The following SUPT3H variants were observed in gnomAD, a reference collection of about 807,000 sequenced individuals.
SUPT3H encodes SPT3 homolog, SAGA and STAGA complex component, also known as transcription initiation protein SPT3 homolog.
A neutral mutation model predicts 44.3 loss-of-function variants in SUPT3H; 44 were observed. The observed-to-expected ratio is 0.99, with a 90% CI of 0.78 to 1.28. The LOEUF is 1.28. SUPT3H is among the 50% of genes most tolerant of loss of function. The pLI, the probability that SUPT3H is intolerant of heterozygous loss-of-function variation, is 0.00. For synonymous variants in SUPT3H, 124 were observed against 125.6 expected (o/e 0.99, Z 0.09); for missense variants, 380 against 387.1 (o/e 0.98, Z 0.15).
chr6:44,919,879 TTTTC>T (rs1483273805), intron 10 of SUPT3H, among the ~76,000 whole-genome samples: 1 of 152,214 alleles, frequency 6.6e-6, no homozygotes, highest in South Asian at 2.1e-4. Context: ...TCTTTTTCTT[TTTTC>T]TTTTTTATTT....
chr6:45,130,699 A>C (rs993758365), intron 2 of SUPT3H, among the ~76,000 whole-genome samples: 3 of 133,528 alleles, frequency 2.2e-5, no homozygotes, highest in Non-Finnish European at 5.0e-5. Flanking sequence ...AAAAAAAACA[A>C]AAAAAAAAAC....
intron 3 of SUPT3H, among the ~76,000 whole-genome samples, chr6:45,101,292 G>A (rs1798536282): frequency 6.6e-6 from 1 of 152,202 alleles, no homozygotes; most frequent in Non-Finnish European, 1.5e-5. Flanking sequence ...GGTCATGGTG[G>A]CGCATGCCTG....
intron 10 of SUPT3H, among the ~76,000 whole-genome samples, chr6:44,900,394 G>A (rs1225595191): frequency 1.3e-5 from 2 of 152,222 alleles, no homozygotes; most frequent in African/African-American, 4.8e-5. Flanking sequence ...CTGGCTCGGA[G>A]GGTCCTATGC....
chr6:45,195,883 G>A (rs969048886), intron 2 of SUPT3H, among the ~76,000 whole-genome samples: 7 of 152,032 alleles, frequency 4.6e-5, no homozygotes, highest in Admixed American at 2.0e-4. Context: ...CAAACTTTCT[G>A]ATCCCGGGCA....
At chr6:45,234,373 C>T (rs1187830006) in intron 2 of SUPT3H, among the ~76,000 whole-genome samples, 1 of 151,508 alleles carries the variant, frequency 6.6e-6, no homozygotes, top group Non-Finnish European at 1.5e-5. Flanking sequence ...TCTACTAATA[C>T]TACAAAAATC....
chr6:45,305,983 G>A (rs182184004), intron 2 of SUPT3H, among the ~76,000 whole-genome samples: 1 of 152,310 alleles, frequency 6.6e-6, no homozygotes, highest in East Asian at 1.9e-4. Context: ...CTCTAATTCT[G>A]CATATACCTG....
chr6:45,004,272 T>C (rs984867552), intron 5 of SUPT3H, among the ~76,000 whole-genome samples: 3 of 151,918 alleles, frequency 2.0e-5, no homozygotes, highest in Admixed American at 2.0e-4. Flanking sequence ...TACTATCTAG[T>C]AATAAAAGGA....
intron 10 of SUPT3H, among the ~76,000 whole-genome samples, chr6:44,905,365 G>A (rs140824721): frequency 0.12 from 17,733 of 151,858 alleles, 1,223 homozygotes; most frequent in African/African-American, 0.19. Context: ...CAAAGGATAC[G>A]AACAGACACT....
chr6:45,217,620 G>A (rs1482041401), intron 2 of SUPT3H, among the ~76,000 whole-genome samples: 1 of 152,180 alleles, frequency 6.6e-6, no homozygotes, highest in Non-Finnish European at 1.5e-5. Context: ...GGCCGAATGT[G>A]GTGGCTCACG....
chr6:44,812,666 C>T (rs1371306655), intron 11 of SUPT3H, among the ~76,000 whole-genome samples: 1 of 152,104 alleles, frequency 6.6e-6, no homozygotes, highest in Non-Finnish European at 1.5e-5. Flanking sequence ...CCAGTGTGGC[C>T]AGGACTTGAG....
chr6:45,325,091 A>G (rs1273498240), intron 2 of SUPT3H, among the ~76,000 whole-genome samples: 3 of 151,986 alleles, frequency 2.0e-5, no homozygotes, highest in Non-Finnish European at 2.9e-5. Context: ...ACATACCAAG[A>G]TGAAACAATA....
chr6:44,879,551 C>A (rs1777868874), intron 10 of SUPT3H, among the ~76,000 whole-genome samples: 1 of 152,080 alleles, frequency 6.6e-6, no homozygotes, highest in Admixed American at 6.5e-5. Flanking sequence ...AGCAGTGGAT[C>A]TCCCAGCACA....
chr6:45,080,484 AT>A (rs1462831355), intron 3 of SUPT3H, among the ~76,000 whole-genome samples: 2 of 152,134 alleles, frequency 1.3e-5, no homozygotes, highest in South Asian at 2.1e-4. Context: ...AGATATCTGC[AT>A]TCCCGTGTTT....
chr6:45,272,834 A>G (rs1483286322), intron 2 of SUPT3H, among the ~76,000 whole-genome samples: 1 of 152,194 alleles, frequency 6.6e-6, no homozygotes, highest in Non-Finnish European at 1.5e-5. Flanking sequence ...GAAAGTCAAC[A>G]AGCAAAACGC....
At chr6:45,283,348 G>A (rs919474877) in intron 2 of SUPT3H, among the ~76,000 whole-genome samples, 7 of 152,128 alleles carry the variant, frequency 4.6e-5, no homozygotes, top group African/African-American at 7.2e-5. Flanking sequence ...CCCACCTCAC[G>A]TGCAGAGACA....
At position 45,125,786 on chromosome 6, in the gene SUPT3H, T is replaced by C. The variant is rs371235484; in HGVS notation, c.102-19780A>G. 1.1e-4 allele frequency among the ~76,000 whole-genome samples: 17 copies of C among 150,990 alleles called. No homozygotes were observed. The East Asian group carries it at 2.9e-3, about 26-fold the overall frequency. On this transcript the variant is annotated intron_variant, in intron 2 of 10. Transcript: ENST00000371459. ...ACACAATAGTATGTGTTTGAAATAC[T>C]GCATTAAAAATATAAAGAACTATTG...
At chr6:44,949,630 C>G (rs1187328272) in intron 9 of SUPT3H, among the ~76,000 whole-genome samples, 1 of 146,300 alleles carries the variant, frequency 6.8e-6, no homozygotes, top group Non-Finnish European at 1.5e-5. Context: ...AAAAAATGGG[C>G]AAAGGATTTG....
chr6:45,052,605 C>G (rs1181901950), intron 3 of SUPT3H, among the ~76,000 whole-genome samples: 1 of 152,058 alleles, frequency 6.6e-6, no homozygotes, highest in Admixed American at 6.6e-5. Context: ...AAATTTAAAG[C>G]AATAACAAAA....
chr6:45,019,002 T>C (rs1784720493), intron 4 of SUPT3H, among the ~76,000 whole-genome samples: 1 of 152,202 alleles, frequency 6.6e-6, no homozygotes. Context: ...TGGTAAGCTA[T>C]TGATTATTGC....
Sources: allele counts gnomAD v4.1 joint callset (sites outside exome capture counted in the v4.1 genomes callset), GRCh38; gene constraint gnomAD v4.1.1; transcripts MANE v1.5; gene names NCBI Gene and HGNC (gene_info 2026-07-23, HGNC 2026-07-21).